The following FYB2 variants were observed in gnomAD, a reference collection of about 807,000 sequenced individuals.
FYB2 encodes FYN-binding protein 2.
Under a neutral mutation model 94.1 loss-of-function variants are expected in FYB2, and 103 were observed. That is an observed-to-expected ratio of 1.09 (90% CI 0.93 to 1.29). FYB2 has a LOEUF of 1.29. Among genes scored for constraint, FYB2 ranks in the 50% most tolerant of loss-of-function variants. The pLI, the probability that FYB2 is intolerant of heterozygous loss-of-function variation, is 0.00. For synonymous variants in FYB2, 293 were observed against 287.9 expected (o/e 1.02, Z -0.18); for missense variants, 896 against 841.5 (o/e 1.06, Z -0.80).
chr1:56,782,333 AG>A (rs1282269634), intron 4 of FYB2, among the ~76,000 whole-genome samples: 2 of 152,134 alleles, frequency 1.3e-5, no homozygotes, highest in African/African-American at 2.4e-5. Flanking sequence ...TTTTGTTTAT[AG>A]TACTTATTAC....
intron 9 of FYB2, among the ~76,000 whole-genome samples, chr1:56,748,223 T>A (rs1645113216): frequency 6.6e-6 from 1 of 152,146 alleles, no homozygotes; most frequent in Admixed American, 6.6e-5. Flanking sequence ...GATAGTTGCT[T>A]TTGCTGTGCA....
chr1:56,770,045 G>T (rs1645717928), intron 4 of FYB2, among the ~76,000 whole-genome samples: 1 of 151,816 alleles, frequency 6.6e-6, no homozygotes, highest in Non-Finnish European at 1.5e-5. Context: ...ATGAGAAAGG[G>T]TACACACGAA....
intron 7 of FYB2, among the ~76,000 whole-genome samples, chr1:56,755,581 T>G (rs1400132170): frequency 6.6e-6 from 1 of 152,128 alleles, no homozygotes; most frequent in Non-Finnish European, 1.5e-5. Flanking sequence ...ACTCTCCCAC[T>G]AATTCAGGAG....
At chr1:56,741,281 A>G (rs1644946262) in intron 12 of FYB2, among the ~76,000 whole-genome samples, 1 of 152,106 alleles carries the variant, frequency 6.6e-6, no homozygotes, top group Non-Finnish European at 1.5e-5. Flanking sequence ...TTCAAGACAA[A>G]CTACTGCAAG....
chr1:56,743,978 A>G (rs1255631903), intron 11 of FYB2, 48 bp downstream of exon 11: 2 of 1,565,808 alleles, frequency 1.3e-6, no homozygotes, highest in Non-Finnish European at 1.8e-6. Context: ...CCATAGAAGC[A>G]TTCTGCAATT....
rs144451080 is a variant in FYB2 at position 56,812,254 on chromosome 1, T to C, written c.9+7028A>G. Among the ~76,000 whole-genome samples the C allele has an allele frequency of 8.5e-5, 13 of 152,340 alleles. No individual in the cohort carries two copies. The East Asian group carries it at 2.5e-3, about 29-fold the overall frequency. ...GATTTGCTCAAGGTCATATTTCAAG[T>C]AGATGACAGACCTAGACTCAAATTC... On this transcript the variant is annotated intron_variant, in intron 1 of 19. Transcript: ENST00000343433.
intron 9 of FYB2, among the ~76,000 whole-genome samples, chr1:56,750,497 A>G (rs1645170546): frequency 6.6e-6 from 1 of 151,602 alleles, no homozygotes; most frequent in African/African-American, 2.4e-5. Context: ...TGCTAGGTGA[A>G]CCTCCTTTTC....
chr1:56,725,716 G>A (rs1644571112), intron 16 of FYB2, among the ~76,000 whole-genome samples: 1 of 151,990 alleles, frequency 6.6e-6, no homozygotes, highest in Non-Finnish European at 1.5e-5. Flanking sequence ...AAACTTACGA[G>A]AAGGGCCATC....
intron 1 of FYB2, among the ~76,000 whole-genome samples, 174 bp downstream of exon 1, chr1:56,819,107 CG>C (rs1646953831): frequency 6.6e-6 from 1 of 151,812 alleles, no homozygotes. Context: ...CCCTCCCACC[CG>C]CCCTGAGCAA....
intron 1 of FYB2, among the ~76,000 whole-genome samples, chr1:56,804,050 C>T (rs959482280): frequency 1.3e-5 from 2 of 152,206 alleles, no homozygotes; most frequent in Non-Finnish European, 2.9e-5. Flanking sequence ...ACCTTGAGTG[C>T]TTACTGTGAG....
intron 9 of FYB2, among the ~76,000 whole-genome samples, chr1:56,746,347 T>C (rs1645066969): frequency 6.6e-6 from 1 of 152,028 alleles, no homozygotes; most frequent in Admixed American, 6.6e-5. Flanking sequence ...TTTTTATCTA[T>C]TATCTTAGTA....
intron 15 of FYB2, among the ~76,000 whole-genome samples, chr1:56,732,427 T>C (rs1644731769): frequency 6.6e-6 from 1 of 152,176 alleles, no homozygotes; most frequent in Admixed American, 6.5e-5. Context: ...ACAGATTCAA[T>C]GCAATCCCCA....
chr1:56,793,949 C>A (rs1035487123), intron 1 of FYB2, among the ~76,000 whole-genome samples: 1 of 152,148 alleles, frequency 6.6e-6, no homozygotes, highest in Admixed American at 6.5e-5. Flanking sequence ...CTCTGAGAAA[C>A]TTGATCTTCC....
intron 3 of FYB2, 80 bp from the exon 4 acceptor site, chr1:56,787,288 G>C (rs938777781): frequency 6.6e-6 from 10 of 1,514,320 alleles, no homozygotes; most frequent in Non-Finnish European, 9.2e-6. Context: ...GTGATGACTT[G>C]ATCCCACAGA....
intron 4 of FYB2, among the ~76,000 whole-genome samples, chr1:56,783,675 G>GAAAT (rs1487028387): frequency 6.6e-6 from 1 of 152,034 alleles, no homozygotes; most frequent in Non-Finnish European, 1.5e-5. Flanking sequence ...GAAGGACTTT[G>GAAAT]AAATAAATAA....
chr1:56,759,665 C>T lies in FYB2; in HGVS notation c.1064-915G>A, dbSNP rs558217736. Among the ~76,000 whole-genome samples the T allele has an allele frequency of 2.0e-5, 3 of 152,248 alleles. No individual in the cohort carries two copies. In the South Asian group the frequency reaches 6.2e-4, roughly 32 times the overall value. ...GAATTTGAGTTCAAACACTGTTCTG[C>T]CACTCCTACATAGGGTGTTTCAGAC... is the stretch of plus-strand genomic sequence containing the variant. On this transcript the variant is annotated intron_variant, in intron 5 of 19. Transcript: ENST00000343433.
chr1:56,730,052 T>C (rs1331071257), intron 15 of FYB2, among the ~76,000 whole-genome samples: 3 of 151,872 alleles, frequency 2.0e-5, no homozygotes, highest in African/African-American at 4.8e-5. Flanking sequence ...GGCAAGTTTA[T>C]AGCAATAAAT....
intron 7 of FYB2, among the ~76,000 whole-genome samples, chr1:56,754,401 A>G (rs1033806780): frequency 2.6e-5 from 4 of 152,026 alleles, no homozygotes; most frequent in Non-Finnish European, 5.9e-5. Context: ...TAGCTAAATC[A>G]TCTTACCTCT....
chr1:56,781,187 G>C (rs1646000947), intron 4 of FYB2, among the ~76,000 whole-genome samples: 1 of 152,178 alleles, frequency 6.6e-6, no homozygotes, highest in South Asian at 2.1e-4. Context: ...CATGCTTTTT[G>C]TTGTTGCTGT....
Sources: gnomAD v4.1 joint callset for allele counts (sites outside exome capture counted in the v4.1 genomes callset) on GRCh38, gnomAD v4.1.1 for gene constraint, MANE v1.5 for transcripts, NCBI Gene and HGNC (gene_info 2026-07-23, HGNC 2026-07-21) for gene names.